CA10: variants seen among roughly 807,000 people sequenced by gnomAD.
The protein encoded by CA10 is carbonic anhydrase-related protein 10.
A neutral mutation model predicts 44.2 loss-of-function variants in CA10; 14 were observed. The ratio of observed to expected loss-of-function variants is 0.32; its 90% CI spans 0.21 to 0.50. The LOEUF is 0.50. Among genes scored for constraint, CA10 ranks in the 20% least tolerant of loss-of-function variants. The probability of loss-of-function intolerance (pLI) is 0.99; values close to 1 mark genes in which losing one functional copy is unlikely to be tolerated. For synonymous variants in CA10, 159 were observed against 141.6 expected (o/e 1.12, Z -0.87); for missense variants, 350 against 409.7 (o/e 0.85, Z 1.26).
At chr17:51,831,667 AAGCAGCAGCAGCAGCAGC>A (rs66635963) in intron 3 of CA10, among the ~76,000 whole-genome samples, 1,503 of 127,484 alleles carry the variant, frequency 0.012, 28 homozygotes, top group African/African-American at 0.018. Context: ...AGAAAAGAAA[AAGCAGCAGCAGCAGCAGC>A]AGCAGCAGCA....
At chr17:52,108,192 TTTTATATATA>T (rs1479662841) in intron 1 of CA10, among the ~76,000 whole-genome samples, 2,713 of 113,106 alleles carry the variant, frequency 0.024, 54 homozygotes, top group Non-Finnish European at 0.027. Context: ...TATATATATT[TTTTATATATA>T]TATATATATA....
At chr17:51,798,132 G>A (rs1399000608) in intron 3 of CA10, among the ~76,000 whole-genome samples, 1 of 152,098 alleles carries the variant, frequency 6.6e-6, no homozygotes, top group Admixed American at 6.5e-5. Flanking sequence ...CCTTAATGAT[G>A]GCCACAGCTT....
At chr17:51,865,893 G>A (rs958439410) in intron 3 of CA10, among the ~76,000 whole-genome samples, 3 of 152,168 alleles carry the variant, frequency 2.0e-5, no homozygotes, top group African/African-American at 7.2e-5. Flanking sequence ...TATTCACAGA[G>A]GAAACCACGT....
At chr17:51,861,198 A>G (rs1267044764) in intron 3 of CA10, among the ~76,000 whole-genome samples, 3 of 152,150 alleles carry the variant, frequency 2.0e-5, no homozygotes, top group Admixed American at 1.3e-4. Context: ...TGATACTCCT[A>G]GTAGTGTCAG....
At chr17:51,793,421 C>T (rs1205957309) in intron 3 of CA10, among the ~76,000 whole-genome samples, 1 of 152,154 alleles carries the variant, frequency 6.6e-6, no homozygotes, top group Non-Finnish European at 1.5e-5. Flanking sequence ...GAGGAAGGAC[C>T]ACAGACTGCA....
rs572424708 is a variant in CA10 at position 51,670,499 on chromosome 17, T to C, written c.466-16763A>G. 5.0e-4 allele frequency among the ~76,000 whole-genome samples: 76 copies of C among 151,876 alleles called. 1 individual carries two copies. In the South Asian group the frequency reaches 9.6e-3, roughly 19 times the overall value. ...TGGGTCCGCATTCCTTTTTTTTTTT[T>C]CCCCCTGGAATCTCTGGGACACCAA... On this transcript the variant is annotated intron_variant, in intron 4 of 8. Coordinates refer to ENST00000451037, the MANE Select transcript of CA10 (RefSeq NM_020178.5).
At chr17:51,766,912 G>T (rs563778678) in intron 3 of CA10, among the ~76,000 whole-genome samples, 1 of 151,982 alleles carries the variant, frequency 6.6e-6, no homozygotes, top group African/African-American at 2.4e-5. Flanking sequence ...AGAGGTCCTC[G>T]ATAGGCAATG....
intron 3 of CA10, among the ~76,000 whole-genome samples, chr17:51,783,278 C>G (rs1906130642): frequency 1.3e-5 from 2 of 152,158 alleles, no homozygotes; most frequent in African/African-American, 2.4e-5. Context: ...GCTCATGTTG[C>G]TTTTACTCAT....
At chr17:52,059,695 A>C (rs946827074) in intron 2 of CA10, among the ~76,000 whole-genome samples, 6 of 152,146 alleles carry the variant, frequency 3.9e-5, no homozygotes, top group Non-Finnish European at 8.8e-5. Context: ...CTAAAGAAAA[A>C]AAAAAAAGAA....
intron 6 of CA10, among the ~76,000 whole-genome samples, chr17:51,647,441 CTTCCATCTGTCTTTTCCTTCT>C (rs1913386252): frequency 1.3e-5 from 2 of 151,946 alleles, no homozygotes; most frequent in Non-Finnish European, 2.9e-5. Context: ...CCTTTCCTCC[CTTCCATCTGTCTTTTCCTTCT>C]TCCCTGCCTC....
At chr17:51,693,097 C>T (rs1915275916) in intron 4 of CA10, among the ~76,000 whole-genome samples, 1 of 152,174 alleles carries the variant, frequency 6.6e-6, no homozygotes, top group African/African-American at 2.4e-5. Flanking sequence ...CTAGTTTCAG[C>T]CAATTTGGAC....
At chr17:52,067,324 C>T (rs1242943131) in intron 2 of CA10, among the ~76,000 whole-genome samples, 1 of 152,252 alleles carries the variant, frequency 6.6e-6, no homozygotes, top group Non-Finnish European at 1.5e-5. Flanking sequence ...AGCCCCAGGC[C>T]TTGGTGGCTT....
intron 1 of CA10, among the ~76,000 whole-genome samples, chr17:52,143,158 G>A (rs2143389207): frequency 6.6e-6 from 1 of 152,152 alleles, no homozygotes; most frequent in Non-Finnish European, 1.5e-5. Flanking sequence ...CCAGTGCACT[G>A]CTTTAGTATT....
intron 2 of CA10, among the ~76,000 whole-genome samples, chr17:51,989,550 C>T (rs1020862364): frequency 2.6e-5 from 4 of 151,966 alleles, no homozygotes; most frequent in African/African-American, 7.2e-5. Context: ...ATGAAATCAA[C>T]CTAAATGTCC....
chr17:52,126,945 G>C (rs949617848), intron 1 of CA10, among the ~76,000 whole-genome samples: 2 of 152,192 alleles, frequency 1.3e-5, no homozygotes, highest in Non-Finnish European at 2.9e-5. Context: ...AGTGAGGAGA[G>C]AATGTAGCAA....
chr17:51,803,824 C>A (rs972411585), intron 3 of CA10, among the ~76,000 whole-genome samples: 2 of 152,210 alleles, frequency 1.3e-5, no homozygotes, highest in African/African-American at 4.8e-5. Context: ...TGCAAGGAAT[C>A]GAGCATCTTT....
intron 2 of CA10, among the ~76,000 whole-genome samples, chr17:51,949,053 G>T (rs896982060): frequency 6.6e-6 from 1 of 152,040 alleles, no homozygotes; most frequent in African/African-American, 2.4e-5. Flanking sequence ...AAAAATAACG[G>T]ATACTATGAT....
intron 3 of CA10, among the ~76,000 whole-genome samples, chr17:51,906,587 T>C (rs1981565132): frequency 6.6e-6 from 1 of 152,196 alleles, no homozygotes; most frequent in Non-Finnish European, 1.5e-5. Flanking sequence ...ATTTGTTATA[T>C]GCCATGGACC....
chr17:51,826,437 G>A (rs1004231020), intron 3 of CA10, among the ~76,000 whole-genome samples: 21 of 152,240 alleles, frequency 1.4e-4, no homozygotes, highest in African/African-American at 4.3e-4. Context: ...TGTACCTCAC[G>A]GGCTGTTGTG....
Sources: gnomAD v4.1 joint callset for allele counts (sites outside exome capture counted in the v4.1 genomes callset) on GRCh38, gnomAD v4.1.1 for gene constraint, MANE v1.5 for transcripts, NCBI Gene and HGNC (gene_info 2026-07-23, HGNC 2026-07-21) for gene names.